NEGR1: variants seen among roughly 807,000 people sequenced by gnomAD.
NEGR1 encodes the protein neuronal growth regulator 1.
A neutral mutation model predicts 40.9 loss-of-function variants in NEGR1; 10 were observed. The ratio of observed to expected loss-of-function variants is 0.24; its 90% CI spans 0.15 to 0.42. The LOEUF (loss-of-function observed/expected upper bound fraction) is 0.42, where lower values mean the gene tolerates loss of function less well. NEGR1 is among the 10% of genes least tolerant of loss of function. The pLI is 1.00. For synonymous variants in NEGR1, 185 were observed against 166.8 expected (o/e 1.11, Z -0.84); for missense variants, 352 against 438.9 (o/e 0.80, Z 1.77).
At chr1:71,576,639 A>G (rs650956) in intron 6 of NEGR1, among the ~76,000 whole-genome samples, 3,137 of 152,350 alleles carry the variant, frequency 0.021, 107 homozygotes, top group African/African-American at 0.071. Context: ...TTCCTATAAT[A>G]AGATAACCAC....
intron 2 of NEGR1, among the ~76,000 whole-genome samples, chr1:71,886,597 A>T (rs1280108992): frequency 6.6e-6 from 1 of 152,128 alleles, no homozygotes; most frequent in Non-Finnish European, 1.5e-5. Flanking sequence ...ACTTTTTACC[A>T]TCAGTCTGCT....
chr1:71,746,200 C>T (rs915894773), intron 3 of NEGR1, among the ~76,000 whole-genome samples: 2 of 152,146 alleles, frequency 1.3e-5, no homozygotes, highest in African/African-American at 2.4e-5. Context: ...CAGGTGTTGG[C>T]CATGACCCTT....
At chr1:71,439,357 T>A (rs1187698481) in intron 6 of NEGR1, among the ~76,000 whole-genome samples, 1 of 152,078 alleles carries the variant, frequency 6.6e-6, no homozygotes, top group Non-Finnish European at 1.5e-5. Flanking sequence ...TCAATAATGT[T>A]TTTGTTTGTT....
At chr1:71,772,800 AT>A (rs1283425441) in intron 3 of NEGR1, among the ~76,000 whole-genome samples, 1 of 152,196 alleles carries the variant, frequency 6.6e-6, no homozygotes, top group Non-Finnish European at 1.5e-5. Context: ...ATATATATGT[AT>A]ATACTTAGTC....
At chr1:71,552,186 A>G (rs541178450) in intron 6 of NEGR1, among the ~76,000 whole-genome samples, 1 of 151,592 alleles carries the variant, frequency 6.6e-6, no homozygotes, top group South Asian at 2.1e-4. Flanking sequence ...CCCAGGTGAT[A>G]TGTAATCACT....
chr1:72,014,111 T>G (rs2100407878), intron 1 of NEGR1, among the ~76,000 whole-genome samples: 1 of 152,036 alleles, frequency 6.6e-6, no homozygotes, highest in African/African-American at 2.4e-5. Flanking sequence ...GTTCAACTTT[T>G]TTTGTATGCA....
intron 3 of NEGR1, among the ~76,000 whole-genome samples, chr1:71,745,303 C>T (rs1288904084): frequency 6.6e-6 from 1 of 152,114 alleles, no homozygotes; most frequent in Non-Finnish European, 1.5e-5. Flanking sequence ...TACATGCTTC[C>T]AGTGCAACGT....
chr1:72,211,843 C>CTAT (rs1653620334), intron 1 of NEGR1, among the ~76,000 whole-genome samples: 1 of 151,714 alleles, frequency 6.6e-6, no homozygotes, highest in South Asian at 2.1e-4. Flanking sequence ...ATAAAACAGT[C>CTAT]ACTCTAGGAA....
chr1:72,194,864 A>G (rs1386239855), intron 1 of NEGR1, among the ~76,000 whole-genome samples: 1 of 152,084 alleles, frequency 6.6e-6, no homozygotes, highest in Non-Finnish European at 1.5e-5. Flanking sequence ...TCTTCTGCAC[A>G]TCTTGAAAGG....
At chr1:71,583,014 A>G (rs950771900) in intron 6 of NEGR1, among the ~76,000 whole-genome samples, 2 of 152,124 alleles carry the variant, frequency 1.3e-5, no homozygotes, top group Non-Finnish European at 2.9e-5. Flanking sequence ...TTCTGAATCT[A>G]TACTCCTGGT....
intron 2 of NEGR1, among the ~76,000 whole-genome samples, chr1:71,840,961 A>G (rs1659215475): frequency 6.6e-6 from 1 of 152,184 alleles, no homozygotes; most frequent in Non-Finnish European, 1.5e-5. Context: ...GTCTTTAACT[A>G]CAACACTGTT....
intron 3 of NEGR1, among the ~76,000 whole-genome samples, chr1:71,730,110 T>C (rs1354746009): frequency 1.3e-5 from 2 of 151,998 alleles, no homozygotes; most frequent in African/African-American, 4.8e-5. Context: ...AAAGGAGATC[T>C]CCTTTAAAAA....
chr1:72,093,854 C>G (rs1053087338), intron 1 of NEGR1, among the ~76,000 whole-genome samples: 2 of 152,112 alleles, frequency 1.3e-5, no homozygotes, highest in African/African-American at 4.8e-5. Flanking sequence ...GTTCAACCAG[C>G]AAACATTTTA....
chr1:71,734,344 A>T (rs1416895831), intron 3 of NEGR1, among the ~76,000 whole-genome samples: 1 of 152,176 alleles, frequency 6.6e-6, no homozygotes, highest in Non-Finnish European at 1.5e-5. Flanking sequence ...ACTCTTAAGC[A>T]AGCTTCAGTC....
chr1:71,992,599 C>T (rs924471768), intron 1 of NEGR1, among the ~76,000 whole-genome samples: 2 of 152,158 alleles, frequency 1.3e-5, no homozygotes, highest in African/African-American at 4.8e-5. Flanking sequence ...TATTATGGAA[C>T]CCTTTTTATA....
rs1646284510 is a variant in NEGR1 at position 71,407,321 on chromosome 1, G to C, written c.*125C>G. On this transcript the variant is annotated 3_prime_UTR_variant, in exon 7 of 7. Transcript: ENST00000357731. ...TTACATAATGAGCAATTCTACAGAA[G>C]GCGATCATCCCCATGTAAGCACTGC... 3 of 750,162 alleles carry C rather than the reference G, an allele frequency of 4.0e-6. No individual in the cohort carries two copies. The Admixed American group carries it at 7.7e-5, about 19-fold the overall frequency. The allele number at this position is 750,162 out of a possible 1,614,324, so 46.5% of individuals were successfully genotyped here. A position where few individuals can be genotyped will look rare whatever the true frequency, so the allele number is the denominator to read the frequency against.
chr1:71,457,825 C>T (rs997977546), intron 6 of NEGR1, among the ~76,000 whole-genome samples: 16 of 152,134 alleles, frequency 1.1e-4, no homozygotes, highest in Admixed American at 8.5e-4. Context: ...CCTCAGCCTC[C>T]TGAGTAGCTG....
intron 1 of NEGR1, among the ~76,000 whole-genome samples, chr1:72,235,423 A>G (rs1654516319): frequency 6.6e-6 from 1 of 152,046 alleles, no homozygotes; most frequent in African/African-American, 2.4e-5. Context: ...GGGCGGAAAG[A>G]TTTGCATTCT....
chr1:72,280,177 G>GAA (rs1447129834), intron 1 of NEGR1, among the ~76,000 whole-genome samples: 1 of 152,122 alleles, frequency 6.6e-6, no homozygotes, highest in Non-Finnish European at 1.5e-5. Context: ...AACAACACTG[G>GAA]AAATATATGG....
Sources: allele counts gnomAD v4.1 joint callset (sites outside exome capture counted in the v4.1 genomes callset), GRCh38; gene constraint gnomAD v4.1.1; transcripts MANE v1.5; gene names NCBI Gene and HGNC (gene_info 2026-07-23, HGNC 2026-07-21).